The following RAD51B variants were observed in gnomAD, a reference collection of about 807,000 sequenced individuals.
RAD51B encodes RAD51 paralog B, also known as DNA repair protein RAD51 homolog 2.
In RAD51B, 38 loss-of-function variants were observed where a neutral mutation model predicts 42.2. The ratio of observed to expected loss-of-function variants is 0.90; its 90% CI spans 0.70 to 1.18. The LOEUF is 1.18. Among genes scored for constraint, RAD51B ranks in the 50% most tolerant of loss-of-function variants. The probability of loss-of-function intolerance (pLI) is 0.00; values close to 1 mark genes in which losing one functional copy is unlikely to be tolerated. For missense variants in RAD51B, 373 were observed against 400.7 expected (o/e 0.93, Z 0.59); for synonymous variants, 154 against 145.2 (o/e 1.06, Z -0.43).
intron 7 of RAD51B, among the ~76,000 whole-genome samples, chr14:68,156,803 A>G (rs1347920132): frequency 2.0e-5 from 3 of 152,116 alleles, no homozygotes; most frequent in African/African-American, 7.2e-5. Flanking sequence ...TTTTGGCAGA[A>G]TTTTGAACTT....
chr14:68,624,949 C>T (rs1185586118), intron 10 of RAD51B, among the ~76,000 whole-genome samples: 4 of 152,188 alleles, frequency 2.6e-5, no homozygotes, highest in African/African-American at 7.2e-5. Flanking sequence ...TAAGGGGTCA[C>T]TTTGCCAGGA....
At chr14:68,648,056 T>A (rs1371606504) in intron 10 of RAD51B, among the ~76,000 whole-genome samples, 1 of 109,616 alleles carries the variant, frequency 9.1e-6, no homozygotes. Context: ...TATAGATGTG[T>A]GTGTGTATAT....
intron 8 of RAD51B, among the ~76,000 whole-genome samples, chr14:68,303,365 G>A (rs2081786627): frequency 1.3e-5 from 2 of 151,482 alleles, no homozygotes; most frequent in South Asian, 2.1e-4. Flanking sequence ...GTAGATGACA[G>A]GTTGACGGGT....
At chr14:68,172,367 C>T (rs1032449756) in intron 7 of RAD51B, among the ~76,000 whole-genome samples, 5 of 152,150 alleles carry the variant, frequency 3.3e-5, no homozygotes, top group African/African-American at 1.2e-4. Context: ...AGCCAGATAC[C>T]GACAGGTTTG....
intron 10 of RAD51B, among the ~76,000 whole-genome samples, chr14:68,586,726 C>T (rs994368983): frequency 2.0e-5 from 3 of 152,254 alleles, no homozygotes; most frequent in South Asian, 4.1e-4. Context: ...CTTCCATGGC[C>T]GGGTGCGGTG....
At chr14:68,540,253 C>T (rs991805794) in intron 10 of RAD51B, 18 of 1,011,762 alleles carry the variant, frequency 1.8e-5, no homozygotes, top group Non-Finnish European at 2.0e-5. Context: ...CGTCTGAGTT[C>T]CTTGCACCCT....
intron 10 of RAD51B, among the ~76,000 whole-genome samples, chr14:68,555,515 C>T (rs1359945146): frequency 6.6e-6 from 1 of 152,160 alleles, no homozygotes; most frequent in Non-Finnish European, 1.5e-5. Flanking sequence ...TGGAAACAGG[C>T]ATGTGGGACC....
chr14:68,307,902 A>G (rs1473078573), intron 8 of RAD51B, among the ~76,000 whole-genome samples: 2 of 152,202 alleles, frequency 1.3e-5, no homozygotes, highest in Admixed American at 1.3e-4. Context: ...GGGCTTTCAT[A>G]TTCACGATTG....
intron 5 of RAD51B, among the ~76,000 whole-genome samples, chr14:67,874,923 G>A (rs567170985): frequency 6.6e-6 from 1 of 152,270 alleles, no homozygotes; most frequent in East Asian, 1.9e-4. Context: ...AGGTAATATG[G>A]ATGGCAAATA....
intron 11 of RAD51B, among the ~76,000 whole-genome samples, chr14:68,671,566 A>AC (rs1388327651): frequency 6.7e-6 from 1 of 148,306 alleles, no homozygotes; most frequent in African/African-American, 2.5e-5. Flanking sequence ...CTCCCCCAAC[A>AC]CCCCGCCTCC....
intron 8 of RAD51B, among the ~76,000 whole-genome samples, chr14:68,387,969 CTAAA>C (rs1419420995): frequency 1.3e-5 from 2 of 151,234 alleles, no homozygotes; most frequent in African/African-American, 4.9e-5. Flanking sequence ...ATTGTGCTAA[CTAAA>C]TATATTTGAC....
exon 11 of RAD51B, chr14:68,595,402 A>G (rs1247248702): frequency 9.4e-7 from 1 of 1,066,414 alleles, no homozygotes; most frequent in Non-Finnish European, 1.1e-6. Flanking sequence ...GCATCCATGA[A>G]CAAATGAATT....
In RAD51B at chr14:68,279,393, T is replaced by C. The variant is rs963859778; in HGVS notation, c.757-12491T>C. ...TCTGAATTCAGTGGGACTTTAGGTATGTAGGATTGGTAGTCAGTGTTTCCA... is the reference window on the plus strand; with the variant it reads ...TCTGAATTCAGTGGGACTTTAGGTACGTAGGATTGGTAGTCAGTGTTTCCA... On this transcript the variant is annotated intron_variant, in intron 7 of 10. Transcript: ENST00000471583. Among the ~76,000 whole-genome samples the C allele has an allele frequency of 3.3e-5, 5 of 152,352 alleles. No individual in the cohort carries two copies. In the South Asian group the frequency reaches 1.0e-3, roughly 32 times the overall value.
chr14:68,590,250 G>C (rs955573465), intron 10 of RAD51B, among the ~76,000 whole-genome samples: 1 of 152,212 alleles, frequency 6.6e-6, no homozygotes, highest in African/African-American at 2.4e-5. Flanking sequence ...AGTGAGAGCT[G>C]AGACTGCATT....
intron 9 of RAD51B, among the ~76,000 whole-genome samples, chr14:68,423,716 C>T (rs1381406710): frequency 1.3e-5 from 2 of 152,002 alleles, no homozygotes; most frequent in African/African-American, 4.8e-5. Flanking sequence ...TTTTTTCAAC[C>T]CCTGTGGTGT....
At chr14:67,929,492 C>A (rs902408304) in intron 7 of RAD51B, among the ~76,000 whole-genome samples, 1 of 152,068 alleles carries the variant, frequency 6.6e-6, no homozygotes, top group Non-Finnish European at 1.5e-5. Context: ...AGTTTTATAG[C>A]CTAACATATG....
intron 8 of RAD51B, among the ~76,000 whole-genome samples, chr14:68,324,631 A>G (rs1193514345): frequency 2.0e-5 from 3 of 152,324 alleles, no homozygotes; most frequent in Admixed American, 2.0e-4. Context: ...TTTGTGTTTC[A>G]TGTTGTATAT....
chr14:68,115,655 T>C (rs1231508864), intron 7 of RAD51B, among the ~76,000 whole-genome samples: 2 of 151,938 alleles, frequency 1.3e-5, no homozygotes, highest in African/African-American at 4.8e-5. Context: ...GCTTTTATGA[T>C]TGCATTCTTT....
rs183696983 is a variant in RAD51B at position 67,876,704 on chromosome 14, G to A, written c.453-9165G>A. Reference sequence around the variant, plus strand: ...CAGTAAATCCTTTGATTGTGGGATTGATAGTTAGCATTATTTGTGTATCAG... The same window carrying A: ...CAGTAAATCCTTTGATTGTGGGATTAATAGTTAGCATTATTTGTGTATCAG... On this transcript the variant is annotated intron_variant, in intron 5 of 10. Coordinates refer to ENST00000471583, the MANE Select transcript of RAD51B (RefSeq NM_133510.4). Among the ~76,000 whole-genome samples the A allele has an allele frequency of 1.1e-3, 174 of 152,298 alleles. 1 individual carries two copies. Among genetic ancestry groups the A allele is most frequent in the Non-Finnish European group, 1.9e-3 (132 of 68,028 alleles).
Sources: allele counts gnomAD v4.1 joint callset (sites outside exome capture counted in the v4.1 genomes callset), GRCh38; gene constraint gnomAD v4.1.1; transcripts MANE v1.5; gene names NCBI Gene and HGNC (gene_info 2026-07-23, HGNC 2026-07-21).